The following PTPRN2 variants were observed in gnomAD, a reference collection of about 807,000 sequenced individuals.
PTPRN2 encodes the protein receptor-type tyrosine-protein phosphatase N2.
A neutral mutation model predicts 118.8 loss-of-function variants in PTPRN2; 74 were observed. The observed-to-expected ratio is 0.62, with a 90% confidence interval of 0.52 to 0.76. The LOEUF (loss-of-function observed/expected upper bound fraction) is 0.76. Among genes scored for constraint, PTPRN2 ranks in the 30% least tolerant of loss-of-function variants. The pLI, the probability that PTPRN2 is intolerant of heterozygous loss-of-function variation, is 0.00. For synonymous variants in PTPRN2, 641 were observed against 608.0 expected (o/e 1.05, Z -0.80); for missense variants, 1,481 against 1,394.4 (o/e 1.06, Z -0.99).
Position 157,831,835 on chromosome 7 carries a change from T to C in PTPRN2, c.1788+66838A>G, listed in dbSNP as rs1030096045. Among the ~76,000 whole-genome samples the C allele has an allele frequency of 1.6e-4, 25 of 152,186 alleles. No homozygotes were observed. The highest frequency in any genetic ancestry group is 6.0e-4 in the African/African-American group (25 of 41,452). The stretch of plus-strand genomic sequence containing the variant: ...ACGAGACGTCCCACGAATGGAACCC[T>C]AGGCCATAAAATATATGGATATTCC... On this transcript the variant is annotated intron_variant, in intron 12 of 22. Transcript: ENST00000389418. This position sits in a 1 kb window ranked among gnomAD's most constrained non-coding sequence, Gnocchi z 4.8.
rs114827757 is a variant in PTPRN2, at chr7:157,655,695, C to T, written c.2196+662G>A. On this transcript the variant is annotated intron_variant, in intron 14 of 22. Coordinates refer to ENST00000389418, the MANE Select transcript of PTPRN2 (RefSeq NM_002847.5). ...CGGTCACCCACCAGGACGACGCCTA[C>T]GGCCTGGAGATCCAGGAGGCAGCCA... Among the ~76,000 whole-genome samples the T allele has an allele frequency of 1.0e-3, 153 of 152,332 alleles. 3 individuals are homozygous for T. Among genetic ancestry groups the T allele is most frequent in the African/African-American group, 3.3e-3 (137 of 41,582 alleles).
At chr7:157,946,523 A>G (rs750912973) in intron 11 of PTPRN2, among the ~76,000 whole-genome samples, 97 of 152,218 alleles carry the variant, frequency 6.4e-4, no homozygotes, top group Non-Finnish European at 1.0e-3. Context: ...TGCAGCCCAG[A>G]TGTGAAGGCC....
In PTPRN2 at chr7:158,509,292, C is replaced by G. The variant is rs766529839; in HGVS notation, c.113-19507G>C. On this transcript the variant is annotated intron_variant, in intron 1 of 22. Coordinates refer to ENST00000389418, the MANE Select transcript of PTPRN2 (RefSeq NM_002847.5). The surrounding 1 kb of genome is among the most constrained non-coding windows in gnomAD (Gnocchi z 4.4). ...CTTGCCGGCCCGTCAGTCACAGCATCGGAAGAATGAATAGTGCTCCCTGAT... is the reference window on the plus strand; with the variant it reads ...CTTGCCGGCCCGTCAGTCACAGCATGGGAAGAATGAATAGTGCTCCCTGAT... Among the ~76,000 whole-genome samples the G allele has an allele frequency of 6.6e-6, 1 of 152,154 alleles. No individual in the cohort carries two copies. Among genetic ancestry groups the G allele is most frequent in the South Asian group, 2.1e-4 (1 of 4,834 alleles).
rs374244687 is a variant in PTPRN2, at chr7:158,253,319, G to C, written c.278-48046C>G. ...CCTGAGGACTCGAGGACTGACCGGG[G>C]CCAGCACAGCGGGCGGGGCTCTGCC... On this transcript the variant is annotated intron_variant, in intron 3 of 22. Coordinates refer to ENST00000389418, the MANE Select transcript of PTPRN2 (RefSeq NM_002847.5). 2.2e-4 allele frequency among the ~76,000 whole-genome samples: 34 copies of C among 151,568 alleles called. No individual in the cohort carries two copies. In the East Asian group the frequency reaches 6.2e-3, roughly 28 times the overall value.
intron 11 of PTPRN2, among the ~76,000 whole-genome samples, chr7:157,982,547 G>C (rs1435147742): frequency 1.1e-4 from 15 of 130,566 alleles, no homozygotes; most frequent in African/African-American, 4.4e-4. Flanking sequence ...GGGGAATGCA[G>C]AGTGCAGGGT....
At chr7:158,439,213 C>T (rs1038154895) in intron 2 of PTPRN2, among the ~76,000 whole-genome samples, 17 of 152,192 alleles carry the variant, frequency 1.1e-4, no homozygotes, top group African/African-American at 4.1e-4. Context: ...GCAAACTGTG[C>T]CCCCGACCAC....
chr7:158,320,563 GGCGTCCGTGTTCCCA>G (rs1241235232), intron 2 of PTPRN2, among the ~76,000 whole-genome samples: 10 of 143,554 alleles, frequency 7.0e-5, no homozygotes, highest in African/African-American at 1.5e-4. Flanking sequence ...AGCGCCGGGT[GGCGTCCGTGTTCCCA>G]CGTCCTCGGC....
At chr7:157,661,939 A>G (rs1455947507) in intron 13 of PTPRN2, among the ~76,000 whole-genome samples, 1 of 152,234 alleles carries the variant, frequency 6.6e-6, no homozygotes, top group Non-Finnish European at 1.5e-5. Flanking sequence ...CGGGGCCACC[A>G]TGGACGCCTC....
chr7:158,401,670 T>G (rs1812960058), intron 2 of PTPRN2, among the ~76,000 whole-genome samples: 1 of 152,254 alleles, frequency 6.6e-6, no homozygotes, highest in Non-Finnish European at 1.5e-5. Context: ...GGAAGAAATG[T>G]CTTTAGTAAA....
chr7:157,706,686 T>C (rs1377218415), intron 12 of PTPRN2, among the ~76,000 whole-genome samples: 1 of 147,696 alleles, frequency 6.8e-6, no homozygotes, highest in African/African-American at 2.5e-5. Flanking sequence ...AGGTGCCTTC[T>C]GGATAAAGGC....
At position 158,387,922 on chromosome 7, in the gene PTPRN2, T is replaced by C. The variant is rs577004770; in HGVS notation, c.164-70990A>G. On this transcript the variant is annotated intron_variant, in intron 2 of 22. Coordinates refer to ENST00000389418, the MANE Select transcript of PTPRN2 (RefSeq NM_002847.5). Reference sequence around the variant, plus strand: ...GGCCCCCAATCGGTGAGCTAATGCCTTGAAATACTGTCTCTGTCTGTACAC... The same window carrying C: ...GGCCCCCAATCGGTGAGCTAATGCCCTGAAATACTGTCTCTGTCTGTACAC... Among the ~76,000 whole-genome samples the C allele has an allele frequency of 5.3e-5, 8 of 152,304 alleles. No individual in the cohort carries two copies. In the South Asian group the frequency reaches 1.7e-3, roughly 32 times the overall value.
chr7:158,023,813 C>T (rs1422432962), intron 11 of PTPRN2, among the ~76,000 whole-genome samples: 1 of 152,108 alleles, frequency 6.6e-6, no homozygotes, highest in East Asian at 1.9e-4. Flanking sequence ...CAGGCACACA[C>T]AAGCAGGCAC....
At chr7:158,208,653 G>A (rs1277127907) in intron 3 of PTPRN2, among the ~76,000 whole-genome samples, 1 of 152,112 alleles carries the variant, frequency 6.6e-6, no homozygotes, top group African/African-American at 2.4e-5. Flanking sequence ...AATGCTAAAG[G>A]GATTTCTTCC....
chr7:157,707,137 G>A (rs1288377866), intron 12 of PTPRN2, among the ~76,000 whole-genome samples: 1 of 152,168 alleles, frequency 6.6e-6, no homozygotes, highest in Non-Finnish European at 1.5e-5. Flanking sequence ...GTTTAGTGCT[G>A]TGGGTTGTCC....
chr7:157,700,983 G>A (rs764152682), intron 12 of PTPRN2, among the ~76,000 whole-genome samples: 1 of 152,202 alleles, frequency 6.6e-6, no homozygotes, highest in Non-Finnish European at 1.5e-5. Flanking sequence ...CACATGCACT[G>A]TCTCTCACAC....
At chr7:158,171,318 T>TACACAC (rs1318559722) in intron 5 of PTPRN2, among the ~76,000 whole-genome samples, 2 of 93,832 alleles carry the variant, frequency 2.1e-5, no homozygotes, top group African/African-American at 9.3e-5. Flanking sequence ...CATATATATA[T>TACACAC]ATATATATAT....
intron 19 of PTPRN2, among the ~76,000 whole-genome samples, chr7:157,572,915 C>T (rs571745054): frequency 2.6e-5 from 4 of 152,338 alleles, no homozygotes; most frequent in East Asian, 3.9e-4. Flanking sequence ...GTTGTTTTTC[C>T]GGGGCACACA....
chr7:158,107,555 G>T (rs1025952426), intron 10 of PTPRN2, among the ~76,000 whole-genome samples: 2 of 152,106 alleles, frequency 1.3e-5, no homozygotes, highest in African/African-American at 4.8e-5. Flanking sequence ...ACACTTGACT[G>T]CCCAGGGGCC....
chr7:158,332,697 T>G (rs1458488427), intron 2 of PTPRN2, among the ~76,000 whole-genome samples: 31 of 116,738 alleles, frequency 2.7e-4, no homozygotes, highest in East Asian at 5.3e-4. Context: ...ACCATAAGAG[T>G]TGACACCTGC....
Sources: gnomAD v4.1 joint callset for allele counts (sites outside exome capture counted in the v4.1 genomes callset) on GRCh38, gnomAD v4.1.1 for gene constraint, Gnocchi (gnomAD v3.1) non-coding constraint, MANE v1.5 for transcripts, NCBI Gene and HGNC (gene_info 2026-07-23, HGNC 2026-07-21) for gene names.